Variants in PISD observed in about 807,000 individuals in gnomAD.
PISD encodes phosphatidylserine decarboxylase proenzyme, mitochondrial.
PISD carries 31 observed loss-of-function variants against 43.5 expected under a neutral mutation model. The observed-to-expected ratio is 0.71, with a 90% CI of 0.54 to 0.96. PISD has a LOEUF of 0.96. PISD is among the 40% of genes least tolerant of loss of function. The pLI is 0.00. For synonymous variants in PISD, 259 were observed against 228.7 expected (o/e 1.13, Z -1.20); for missense variants, 523 against 548.4 (o/e 0.95, Z 0.46).
chr22:31,639,445 C>A (rs545975873), intron 3 of PISD, among the ~76,000 whole-genome samples: 1 of 152,208 alleles, frequency 6.6e-6, no homozygotes, highest in African/African-American at 2.4e-5. Flanking sequence ...CCAGGCTGGT[C>A]ATGAACTCCT....
intron 3 of PISD, among the ~76,000 whole-genome samples, chr22:31,634,856 T>C (rs868399982): frequency 2.3e-5 from 2 of 85,380 alleles, no homozygotes; most frequent in South Asian, 3.7e-4. Context: ...AAAAAAAAAA[T>C]AGAAAAAGAA....
chr22:31,619,758 CCTCT>C lies in PISD; in HGVS notation c.1080_1083del (p.Glu361AlafsTer33). On this transcript the variant is annotated frameshift_variant, in exon 8 of 8. Coordinates refer to ENST00000439502, the MANE Select transcript of PISD (RefSeq NM_001326411.2). LOFTEE classifies it high-confidence loss of function. ...TGCTCGCCCTTACGCATGGGGACGC[CCTCT>C]CTATTGGTGTGCGTCACGAAGCTGA... 1 of 1,614,136 alleles carries C rather than the reference CCTCT, an allele frequency of 6.2e-7. No homozygotes were observed. The highest frequency in any genetic ancestry group is 8.5e-7 in the Non-Finnish European group (1 of 1,179,970).
rs181359150 is a variant in PISD, at chr22:31,636,424, G to A, written c.321+11677C>T. 2.6e-5 allele frequency among the ~76,000 whole-genome samples: 4 copies of A among 152,300 alleles called. No individual in the cohort carries two copies. In the East Asian group the frequency reaches 7.7e-4, roughly 29 times the overall value. On this transcript the variant is annotated intron_variant, in intron 3 of 7. Coordinates refer to ENST00000439502, the MANE Select transcript of PISD (RefSeq NM_001326411.2). ...CTCAGCCCTTGCCACAAGCCCCCAG[G>A]GCCATGCCTCAAAACAATAAAACCA...
chr22:31,662,274 G>T (rs2074345124), upstream of PISD: 6 of 1,497,818 alleles, frequency 4.0e-6, no homozygotes, highest in South Asian at 2.2e-5. Context: ...AAGGCGTCAC[G>T]AGTCTCGAGT....
chr22:31,652,062 AT>A (rs1006497053), intron 1 of PISD, among the ~76,000 whole-genome samples: 1 of 152,156 alleles, frequency 6.6e-6, no homozygotes, highest in Non-Finnish European at 1.5e-5. Context: ...TTAAATTGAT[AT>A]TTTTGTGAAA....
intron 3 of PISD, among the ~76,000 whole-genome samples, chr22:31,641,599 G>A (rs1265972484): frequency 6.6e-6 from 1 of 151,612 alleles, no homozygotes; most frequent in East Asian, 1.9e-4. Flanking sequence ...CAGATCACCT[G>A]AGGTCAAGAG....
At chr22:31,640,880 G>GTTGTTTTTTTTT (rs1487978537) in intron 3 of PISD, among the ~76,000 whole-genome samples, 3 of 24,598 alleles carry the variant, frequency 1.2e-4, no homozygotes, top group Non-Finnish European at 2.0e-4. Flanking sequence ...CACACCCGGT[G>GTTGTTTTTTTTT]TTTTTTTTTT....
chr22:31,659,065 G>A (rs1021303530), intron 1 of PISD, among the ~76,000 whole-genome samples: 6 of 151,944 alleles, frequency 3.9e-5, no homozygotes, highest in Admixed American at 3.9e-4. Context: ...TGTTGCCCAG[G>A]CTGGTCTTGA....
chr22:31,633,248 G>A (rs975400429), intron 3 of PISD, among the ~76,000 whole-genome samples: 4 of 152,152 alleles, frequency 2.6e-5, no homozygotes, highest in African/African-American at 9.7e-5. Context: ...GTTAGACCAG[G>A]GGAGAAAGGT....
chr22:31,621,445 T>C lies in PISD; in HGVS notation c.586A>G (p.Asn196Asp). 6.2e-7 allele frequency: 1 copy of C among 1,614,050 alleles called. No individual in the cohort carries two copies. Among genetic ancestry groups the C allele is most frequent in the African/African-American group, 1.3e-5 (1 of 75,004 alleles). ...VISPSDGRIL[N>D]FGQVKNCEVE... ...TCACAGTTCTTCACCTGCCCAAAGT[T>C]GAGGATCCTTCCATCCGATGGGCTA... The change falls in exon 5 of 8, where the codon AAC becomes GAC. Residue 196 changes from asparagine (N) to aspartate (D), a missense_variant. Physicochemically the swap from Asn to Asp is conservative, Grantham distance 23 (BLOSUM62 1). Coordinates refer to ENST00000439502, the MANE Select transcript of PISD (RefSeq NM_001326411.2).
intron 3 of PISD, among the ~76,000 whole-genome samples, chr22:31,624,766 G>GCC (rs2072801471): frequency 1.7e-5 from 2 of 120,044 alleles, no homozygotes; most frequent in Middle Eastern, 4.3e-3. Flanking sequence ...CGAGACCCAA[G>GCC]CCCCTCCTTT....
chr22:31,629,356 GGT>G (rs745642367), intron 3 of PISD: 19 of 260,924 alleles, frequency 7.3e-5, no homozygotes, highest in Non-Finnish European at 1.0e-4. Flanking sequence ...TAGGTGTGAG[GGT>G]GTGTGTAGGG....
intron 1 of PISD, among the ~76,000 whole-genome samples, chr22:31,661,137 C>T (rs565705054): frequency 6.6e-6 from 1 of 152,216 alleles, no homozygotes; most frequent in Non-Finnish European, 1.5e-5. Context: ...GTTACCACCA[C>T]AATGCAGAGC....
At position 31,630,587 on chromosome 22, in the gene PISD, G is replaced by A; in HGVS notation, c.322-8702C>T. 1 of 337,332 alleles carries A rather than the reference G, an allele frequency of 3.0e-6. No individual in the cohort carries two copies. Among genetic ancestry groups the A allele is most frequent in the Non-Finnish European group, 4.2e-6 (1 of 237,360 alleles). 20.9% of individuals were successfully genotyped at this position (337,332 alleles called of 1,614,324 possible). ...ACGCAGCCCGGGCCGTGCCCACGTG[G>A]GGACGGAAAAAAAGCCCACGACTCG... On this transcript the variant is annotated intron_variant, in intron 3 of 7. Transcript: ENST00000439502. This position sits in a 1 kb window ranked among gnomAD's most constrained non-coding sequence, Gnocchi z 4.4.
chr22:31,640,575 GT>G (rs759964791), intron 3 of PISD, among the ~76,000 whole-genome samples: 4,781 of 91,388 alleles, frequency 0.052, 59 homozygotes, highest in African/African-American at 0.065. Flanking sequence ...CGGTTTGGTT[GT>G]TTTTTTTTTT....
intron 3 of PISD, chr22:31,625,979 T>A (rs2072888226): frequency 2.7e-6 from 4 of 1,466,050 alleles, no homozygotes; most frequent in African/African-American, 2.8e-5. Flanking sequence ...TTTGGTTCAG[T>A]CTCGGTGGCT....
intron 3 of PISD, among the ~76,000 whole-genome samples, chr22:31,634,953 G>C (rs1286844724): frequency 6.6e-6 from 1 of 151,790 alleles, no homozygotes; most frequent in Non-Finnish European, 1.5e-5. Flanking sequence ...GATCACCTGA[G>C]GTCAAGAGTT....
At chr22:31,626,148 C>T (rs1484224643) in intron 3 of PISD, 2 of 848,620 alleles carry the variant, frequency 2.4e-6, no homozygotes, top group Non-Finnish European at 1.6e-6. Flanking sequence ...TCCCTGCTAC[C>T]CAGGGCTGAG....
rs1456237796 is a variant in PISD, at chr22:31,648,283, T to TA, written c.146-8dup. On this transcript the variant is annotated splice_region_variant and splice_polypyrimidine_tract_variant and intron_variant, in intron 2 of 7. Transcript: ENST00000439502. ...GTGTGGATTTTTCTGGCATCTGTAA[T>TA]AAAAAACAGGACAATTTCAAGCCTG... The TA allele has an allele frequency of 1.9e-6, 3 of 1,596,718 alleles. No individual in the cohort carries two copies. Among genetic ancestry groups the TA allele is most frequent in the Admixed American group, 1.8e-5 (1 of 56,678 alleles).
Sources: allele counts gnomAD v4.1 joint callset (sites outside exome capture counted in the v4.1 genomes callset), GRCh38; gene constraint gnomAD v4.1.1; non-coding constraint Gnocchi (gnomAD v3.1); transcripts MANE v1.5; gene names NCBI Gene and HGNC (gene_info 2026-07-23, HGNC 2026-07-21).